The following CNKSR2 variants were observed in gnomAD, a reference collection of about 807,000 sequenced individuals.
The protein encoded by CNKSR2 is CNK homolog protein 2.
In CNKSR2, 14 loss-of-function variants were observed where a neutral mutation model predicts 84.4. The observed-to-expected ratio is 0.17, with a 90% confidence interval of 0.11 to 0.26. The LOEUF (loss-of-function observed/expected upper bound fraction) is 0.26. Ranked by LOEUF, CNKSR2 falls within the 10% of genes least tolerant of loss-of-function variation. CNKSR2 has a pLI of 1.00. For synonymous variants in CNKSR2, 275 were observed against 277.9 expected (o/e 0.99, Z 0.10); for missense variants, 485 against 771.2 (o/e 0.63, Z 4.40).
At chrX:21,566,169 A>C (rs147932322) in intron 13 of CNKSR2, among the ~76,000 whole-genome samples, 1 of 111,384 alleles carries the variant, frequency 9.0e-6, no homozygotes, top group African/African-American at 3.3e-5. Context: ...CAGTGCCTGG[A>C]TTGATTTCTT....
In CNKSR2 at chrX:21,374,532, C is replaced by T. The variant is rs767351235; in HGVS notation, c.-366C>T. The T allele has an allele frequency of 9.0e-4, 391 of 432,732 alleles. 3 individuals carry two copies. The highest frequency in any genetic ancestry group is 8.2e-3 in the African/African-American group (329 of 40,181). The allele number at this position is 432,732 out of a possible 1,213,427, so 35.7% of individuals were successfully genotyped here. A position where few individuals can be genotyped will look rare whatever the true frequency, so the allele number is the denominator to read the frequency against. On this transcript the variant is annotated 5_prime_UTR_variant, in exon 1 of 22. Coordinates refer to ENST00000379510, the MANE Select transcript of CNKSR2 (RefSeq NM_014927.5). ...GCTGCTTCCCTCGGCGACGCGACCC[C>T]TCAGCAACTCAAGCTATGAACTGAA...
intron 5 of CNKSR2, among the ~76,000 whole-genome samples, chrX:21,474,581 G>A (rs928411377): frequency 9.0e-6 from 1 of 111,580 alleles, no homozygotes; most frequent in African/African-American, 3.3e-5. Flanking sequence ...CAGGTTTTTG[G>A]AGGTACCAGA....
At chrX:21,638,720 TG>T (rs1816630065) in intron 20 of CNKSR2, among the ~76,000 whole-genome samples, 2 of 112,506 alleles carry the variant, frequency 1.8e-5, no homozygotes, top group Non-Finnish European at 3.7e-5. Context: ...AAAATGTAAT[TG>T]GCTAAAAGCT....
At chrX:21,527,088 A>G in intron 10 of CNKSR2, 88 bp downstream of exon 10, 1 of 821,803 alleles carries the variant, frequency 1.2e-6, no homozygotes, top group South Asian at 2.9e-5. Flanking sequence ...CTGAAGGAAC[A>G]CCTTGAATAT....
At chrX:21,486,314 T>C (rs144860088) in intron 5 of CNKSR2, among the ~76,000 whole-genome samples, 4,540 of 111,285 alleles carry the variant, frequency 0.041, 85 homozygotes, top group African/African-American at 0.051. Context: ...TAAACTACAT[T>C]CTAAATTGCA....
intron 1 of CNKSR2, 115 bp downstream of exon 1, chrX:21,375,076 C>G (rs1394832053): frequency 3.2e-6 from 2 of 616,266 alleles, no homozygotes; most frequent in Non-Finnish European, 5.5e-6. Flanking sequence ...ACTGGCGGAT[C>G]GTCGTACGCG....
chrX:21,386,424 A>C (rs759306418), intron 1 of CNKSR2, among the ~76,000 whole-genome samples: 5 of 112,362 alleles, frequency 4.4e-5, no homozygotes, highest in African/African-American at 1.6e-4. Flanking sequence ...TAGTTAAAAA[A>C]CTATTGTGAA....
intron 6 of CNKSR2, chrX:21,490,780 A>C: frequency 1.4e-5 from 4 of 282,494 alleles, no homozygotes; most frequent in Non-Finnish European, 1.8e-5. Flanking sequence ...ATGAAGGAGA[A>C]TTGAAAATGG....
At chrX:21,530,044 G>A (rs144427803) in intron 10 of CNKSR2, among the ~76,000 whole-genome samples, 1,277 of 110,700 alleles carry the variant, frequency 0.012, 13 homozygotes, top group Non-Finnish European at 0.017. Context: ...CCACAAATTC[G>A]TTAAGGCTGC....
At position 21,620,396 on chromosome X, in the gene CNKSR2, T is replaced by C. The variant is rs1245084617; in HGVS notation, c.2692+10779T>C. 3.6e-5 allele frequency among the ~76,000 whole-genome samples: 4 copies of C among 111,084 alleles called. No individual in the cohort carries two copies. The Admixed American group carries it at 3.8e-4, about 11-fold the overall frequency. ...GGGTTCATTTAAGAGATGAATTGTT[T>C]TTAACTGGGCTTGGCATGGAAAATG... On this transcript the variant is annotated intron_variant, in intron 20 of 21. Transcript: ENST00000379510.
chrX:21,383,384 TG>T (rs932885750), intron 1 of CNKSR2, among the ~76,000 whole-genome samples: 1 of 112,875 alleles, frequency 8.9e-6, no homozygotes, highest in African/African-American at 3.2e-5. Flanking sequence ...CAGTAATAAC[TG>T]TTTTAGCTCT....
intron 18 of CNKSR2, among the ~76,000 whole-genome samples, chrX:21,603,922 G>A (rs1359576581): frequency 1.8e-5 from 2 of 111,280 alleles, no homozygotes; most frequent in Non-Finnish European, 3.8e-5. Context: ...TCTAGTGTTG[G>A]CACTGCTTTT....
intron 13 of CNKSR2, among the ~76,000 whole-genome samples, chrX:21,585,375 C>T (rs2092379841): frequency 9.4e-6 from 1 of 106,661 alleles, no homozygotes; most frequent in Non-Finnish European, 1.9e-5. Context: ...TTCAGTAATC[C>T]AGGTGAGAGA....
At chrX:21,501,484 T>G in intron 7 of CNKSR2, 36 bp from the exon 8 acceptor site, 1 of 933,889 alleles carries the variant, frequency 1.1e-6, no homozygotes, top group East Asian at 3.2e-5. Flanking sequence ...CTGATAAAAT[T>G]TATGTTCTTT....
chrX:21,561,408 G>T, intron 11 of CNKSR2, 63 bp from the exon 12 acceptor site: 1 of 866,328 alleles, frequency 1.2e-6, no homozygotes. Flanking sequence ...AAAAATCAGT[G>T]TAAGTTTGAG....
chrX:21,390,186 G>A (rs190530425), intron 1 of CNKSR2, among the ~76,000 whole-genome samples: 1 of 112,005 alleles, frequency 8.9e-6, no homozygotes, highest in Admixed American at 9.5e-5. Flanking sequence ...TAATTTTTAA[G>A]TAAATAAATC....
intron 5 of CNKSR2, among the ~76,000 whole-genome samples, chrX:21,476,272 A>G (rs62590551): frequency 0.059 from 6,631 of 111,529 alleles, 186 homozygotes; most frequent in Non-Finnish European, 0.096. Context: ...ATAAACTGAG[A>G]GCAAAGTGAA....
At chrX:21,433,436 CATT>C (rs1374669652) in intron 3 of CNKSR2, among the ~76,000 whole-genome samples, 1 of 111,383 alleles carries the variant, frequency 9.0e-6, no homozygotes, top group Non-Finnish European at 1.9e-5. Flanking sequence ...TGTGGTTAAA[CATT>C]ATCATGATAA....
chrX:21,437,419 G>GTT lies in CNKSR2; in HGVS notation c.432-3256_432-3255dup, dbSNP rs749717203. On this transcript the variant is annotated intron_variant, in intron 3 of 21. Coordinates refer to ENST00000379510, the MANE Select transcript of CNKSR2 (RefSeq NM_014927.5). ...ATGCAGCAAAAATGGTCTCTATGTAGTTTTTTTTTTTTTTTTTTTTGAGAC... is the reference window on the plus strand; with the variant it reads ...ATGCAGCAAAAATGGTCTCTATGTAGTTTTTTTTTTTTTTTTTTTTTTGAGAC... Among the ~76,000 whole-genome samples, 516 of 86,521 alleles carry GTT rather than the reference G, an allele frequency of 6.0e-3. 6 individuals are homozygous for GTT. The highest frequency in any genetic ancestry group is 0.019 in the African/African-American group (454 of 23,611). The allele number at this position is 86,521 out of a possible 115,157, so 75.1% of individuals were successfully genotyped here. A position where few individuals can be genotyped will look rare whatever the true frequency, so the allele number is the denominator to read the frequency against.
Sources: gnomAD v4.1 joint callset for allele counts (sites outside exome capture counted in the v4.1 genomes callset) on GRCh38, gnomAD v4.1.1 for gene constraint, MANE v1.5 for transcripts, NCBI Gene and HGNC (gene_info 2026-07-23, HGNC 2026-07-21) for gene names.